The following MAP3K10 variants were observed in gnomAD, a reference collection of about 807,000 sequenced individuals.
The protein encoded by MAP3K10 is mitogen-activated protein kinase kinase kinase 10, also known as MKN28 derived nonreceptor_type serine/threonine kinase.
In MAP3K10, 22 loss-of-function variants were observed where a neutral mutation model predicts 75.0. That is an observed-to-expected ratio of 0.29 (90% CI 0.21 to 0.42). The LOEUF is 0.42. Ranked by LOEUF, MAP3K10 falls within the 10% of genes least tolerant of loss-of-function variation. The pLI is 1.00. For synonymous variants in MAP3K10, 599 were observed against 612.9 expected, an observed-to-expected ratio of 0.98 and a Z score of 0.34; for missense variants, 1,165 against 1,379.8, an observed-to-expected ratio of 0.84 and a Z score of 2.47.
chr19:40,192,598 C>T lies in MAP3K10; in HGVS notation c.567C>T (p.Arg189=). ...GGALSRVLAG[R]RVPPHVLVNW... ...CACTGAGCAGGGTGCTGGCAGGTCG[C>T]CGGGTGCCACCTCACGTGCTGGTCA... Residue 189 remains arginine, a synonymous_variant, in exon 1 of 10, where the codon CGC becomes CGT. Coordinates refer to ENST00000253055, the MANE Select transcript of MAP3K10 (RefSeq NM_002446.4). The surrounding 1 kb of genome is among the most constrained non-coding windows in gnomAD (Gnocchi z 7.1). The T allele has an allele frequency of 1.2e-6, 2 of 1,612,668 alleles. No homozygotes were observed. Among genetic ancestry groups the T allele is most frequent in the East Asian group, 2.2e-5 (1 of 44,870 alleles).
rs1244973678 is a variant in MAP3K10, at chr19:40,214,050, A to G, written c.2371A>G (p.Thr791Ala). The G allele has an allele frequency of 3.1e-6, 4 of 1,298,296 alleles. No individual in the cohort carries two copies. In the African/African-American group the frequency reaches 6.9e-5, roughly 22 times the overall value. 80.4% of individuals were successfully genotyped at this position (1,298,296 alleles called of 1,614,324 possible). ...PAPTPTPSPS[T>A]NPLVDLELES... The stretch of plus-strand genomic sequence containing the variant: ...GCCCACACCCACGCCCTCGCCCAGC[A>G]CCAACCCCCTGGTGGACCTGGAGCT... The change falls in exon 9 of 10, where the codon ACC (threonine) becomes GCC (alanine). Residue 791 changes from threonine (T) to alanine (A), a missense_variant. Coordinates refer to ENST00000253055, the MANE Select transcript of MAP3K10 (RefSeq NM_002446.4).
At chr19:40,201,738 C>T (rs946097552) in intron 2 of MAP3K10, among the ~76,000 whole-genome samples, 6 of 151,552 alleles carry the variant, frequency 4.0e-5, no homozygotes, top group Non-Finnish European at 8.8e-5. Context: ...TTGTCTTGGC[C>T]TCCCAAAGTG....
In MAP3K10 at chr19:40,214,191, G is replaced by A; in HGVS notation, c.2512G>A (p.Gly838Arg). 6.9e-7 allele frequency: 1 copy of A among 1,450,142 alleles called. No homozygotes were observed. The highest frequency in any genetic ancestry group is 9.0e-7 in the Non-Finnish European group (1 of 1,112,132). 89.8% of individuals were successfully genotyped at this position (1,450,142 alleles called of 1,614,324 possible). ...ATCGGACGGGGCGCTGGGGCAGCGG[G>A]GGCCGCCCGAGCCCGCGGGCCATGG... ...TPSDGALGQR[G>R]PPEPAGHGPG... Residue 838 changes from glycine (G) to arginine (R), a missense_variant, in exon 9 of 10, where the codon GGG becomes AGG. By Grantham distance (125) the Gly-to-Arg change is moderately radical. Coordinates refer to ENST00000253055, the MANE Select transcript of MAP3K10 (RefSeq NM_002446.4).
At position 40,213,952 on chromosome 19, in the gene MAP3K10, C is replaced by T. The variant is rs1045286005; in HGVS notation, c.2273C>T (p.Thr758Met). Reference protein sequence around the residue: ...SLSSVSDCNSTRSLLRSDSDE... With the variant: ...SLSSVSDCNSMRSLLRSDSDE... The stretch of plus-strand genomic sequence containing the variant: ...TCGTCCGTGTCCGACTGCAACTCCA[C>T]GCGTTCACTGCTGCGCTCTGACAGT... Residue 758 changes from threonine (T) to methionine (M), a missense_variant, in exon 9 of 10, where the codon ACG (threonine) becomes ATG (methionine). Thr to Met is a moderately conservative substitution (Grantham distance 81). Around this residue, in one of 2 missense-constraint regions of MAP3K10, gnomAD observed 590 missense variants for 586.6 expected, o/e 1.01. Coordinates refer to ENST00000253055, the MANE Select transcript of MAP3K10 (RefSeq NM_002446.4). This position sits in a 1 kb window ranked among gnomAD's most constrained non-coding sequence, Gnocchi z 5.7. 11 of 1,533,338 alleles carry T rather than the reference C, an allele frequency of 7.2e-6. No homozygotes were observed. The highest frequency in any genetic ancestry group is 9.6e-6 in the Non-Finnish European group (11 of 1,147,654). 95.0% of individuals were successfully genotyped at this position (1,533,338 alleles called of 1,614,324 possible).
chr19:40,214,002 T>TGCCCCCCCCCCCCCCCCCCCCCCCCCCC lies in MAP3K10; in HGVS notation c.2323_2324insGCCCCCCCCCCCCCCCCCCCCCCCCCCC (p.Ser775CysfsTer86). On this transcript the variant is annotated frameshift_variant, in exon 9 of 10. Transcript: ENST00000253055. LOFTEE classifies it high-confidence loss of function. ...TGACGAGGCCGCACCGGCCGCGCCC[T>TGCCCCCCCCCCCCCCCCCCCCCCCCCCC]CCCCACCACCCTCCCCGCCCGCGCC... is the stretch of plus-strand genomic sequence containing the variant. The TGCCCCCCCCCCCCCCCCCCCCCCCCCCC allele has an allele frequency of 6.7e-7, 1 of 1,493,670 alleles. No homozygotes were observed. Among genetic ancestry groups the TGCCCCCCCCCCCCCCCCCCCCCCCCCCC allele is most frequent in the African/African-American group, 1.5e-5 (1 of 67,948 alleles). The allele number at this position is 1,493,670 out of a possible 1,614,324, so 92.5% of individuals were successfully genotyped here.
rs1023741959 is a variant in MAP3K10, at chr19:40,212,212, A to T, written c.1553-593A>T. ...GGGACAGATGTCCACAGTCGGGGCTATATGGCAGAGACACGGTCATCGGAG... is the reference window on the plus strand; with the variant it reads ...GGGACAGATGTCCACAGTCGGGGCTTTATGGCAGAGACACGGTCATCGGAG... On this transcript the variant is annotated intron_variant, in intron 6 of 9. Coordinates refer to ENST00000253055, the MANE Select transcript of MAP3K10 (RefSeq NM_002446.4). The surrounding 1 kb of genome is among the most constrained non-coding windows in gnomAD (Gnocchi z 4.2). Among the ~76,000 whole-genome samples, 2 of 152,174 alleles carry T rather than the reference A, an allele frequency of 1.3e-5. No individual in the cohort carries two copies. The highest frequency in any genetic ancestry group is 3.9e-4 in the East Asian group (2 of 5,190).
At position 40,191,456 on chromosome 19, in the gene MAP3K10, A is replaced by C. The variant is rs1972808579; in HGVS notation, c.-576A>C. Reference sequence around the variant, plus strand: ...TCGGGCCCCGCCGGTGGCCCGGGGAAGCAGCACGGGCGGGGGGCAGGGGCT... The same window carrying C: ...TCGGGCCCCGCCGGTGGCCCGGGGACGCAGCACGGGCGGGGGGCAGGGGCT... On this transcript the variant is annotated 5_prime_UTR_variant, in exon 1 of 10. Transcript: ENST00000253055. 6.6e-6 allele frequency among the ~76,000 whole-genome samples: 1 copy of C among 150,872 alleles called. No homozygotes were observed. Among genetic ancestry groups the C allele is most frequent in the Non-Finnish European group, 1.5e-5 (1 of 67,506 alleles).
rs946819060 is a variant in MAP3K10, at chr19:40,212,173, T to TG, written c.1553-627dup. ...TGAGATGATGGAGGCCAGGCCAGGG[T>TG]GGGGGACTTGGAAGGGACAGATGTC... is the stretch of plus-strand genomic sequence containing the variant. On this transcript the variant is annotated intron_variant, in intron 6 of 9. Transcript: ENST00000253055. This position sits in a 1 kb window ranked among gnomAD's most constrained non-coding sequence, Gnocchi z 4.2. 1.3e-5 allele frequency among the ~76,000 whole-genome samples: 2 copies of TG among 151,918 alleles called. No individual in the cohort carries two copies. The highest frequency in any genetic ancestry group is 2.4e-5 in the African/African-American group (1 of 41,332).
At chr19:40,208,364 T>TTTTTA (rs1555756670) in intron 5 of MAP3K10, among the ~76,000 whole-genome samples, 1 of 84,958 alleles carries the variant, frequency 1.2e-5, no homozygotes, top group African/African-American at 5.1e-5. Context: ...TTTTTTTTTT[T>TTTTTA]TTTTTGTATT....
chr19:40,208,367 TTTG>T (rs781290253), intron 5 of MAP3K10, among the ~76,000 whole-genome samples: 4,887 of 130,618 alleles, frequency 0.037, 271 homozygotes, highest in African/African-American at 0.099. Flanking sequence ...TTTTTTTTTT[TTTG>T]TATTTTTAGT....
chr19:40,193,580 C>T (rs1242652704), intron 1 of MAP3K10, among the ~76,000 whole-genome samples: 2 of 152,150 alleles, frequency 1.3e-5, no homozygotes, highest in African/African-American at 2.4e-5. Context: ...TGGTTTCTGC[C>T]CTGACAGTAC....
At chr19:40,195,753 C>T (rs911790916) in intron 1 of MAP3K10, among the ~76,000 whole-genome samples, 1 of 152,006 alleles carries the variant, frequency 6.6e-6, no homozygotes, top group African/African-American at 2.4e-5. Context: ...CCTTAGCCTC[C>T]CAAAGTGCTA....
chr19:40,205,953 G>A lies in MAP3K10; in HGVS notation c.1231G>A (p.Glu411Lys). 1 of 1,603,212 alleles carries A rather than the reference G, an allele frequency of 6.2e-7. No homozygotes were observed. Among genetic ancestry groups the A allele is most frequent in the Non-Finnish European group, 8.5e-7 (1 of 1,174,668 alleles). Reference sequence around the variant, plus strand: ...GGAGGAGCTGCTGCGGGCGGCACAGGAGCAGCGCTTCCAGGAGGAGCAGCT... The same window carrying A: ...GGAGGAGCTGCTGCGGGCGGCACAGAAGCAGCGCTTCCAGGAGGAGCAGCT... ...REEELLRAAQ[E>K]QRFQEEQLRR... is the part of the protein sequence containing the mutation. Residue 411 changes from glutamate (E) to lysine (K), a missense_variant, in exon 5 of 10, where the codon GAG becomes AAG. This residue lies in a region of MAP3K10 where 575 missense variants were observed against 793.2 expected (regional missense o/e 0.72). Transcript: ENST00000253055. The surrounding 1 kb of genome is among the most constrained non-coding windows in gnomAD (Gnocchi z 4.3).
At position 40,213,603 on chromosome 19, in the gene MAP3K10, G is replaced by C. The variant is rs755246036; in HGVS notation, c.1924G>C (p.Ala642Pro). 1 of 1,590,646 alleles carries C rather than the reference G, an allele frequency of 6.3e-7. No homozygotes were observed. Among genetic ancestry groups the C allele is most frequent in the Admixed American group, 1.7e-5 (1 of 57,534 alleles). The change falls in exon 9 of 10, where the codon GCC (alanine) becomes CCC (proline). Residue 642 changes from alanine to proline, a missense_variant. Around this residue, in one of 2 missense-constraint regions of MAP3K10, gnomAD observed 590 missense variants for 586.6 expected, o/e 1.01. Coordinates refer to ENST00000253055, the MANE Select transcript of MAP3K10 (RefSeq NM_002446.4). The surrounding 1 kb of genome is among the most constrained non-coding windows in gnomAD (Gnocchi z 5.7). ...GTCCTACCTCTCAGTGCCACTGCCT[G>C]CCGAGCCCTCCCCGGGGGCGCGGGC... ...TPSYLSVPLPAEPSPGARAPW... is the reference protein window; with the variant it reads ...TPSYLSVPLPPEPSPGARAPW...
chr19:40,215,574 TACCGC>T (rs988915520), exon 10 of MAP3K10: 2 of 345,612 alleles, frequency 5.8e-6, no homozygotes. Context: ...CCCTGCCCCC[TACCGC>T]ACTTGATTGT....
Position 40,205,539 on chromosome 19 carries a change from G to A in MAP3K10, c.1188+243G>A. 1 of 558,938 alleles carries A rather than the reference G, an allele frequency of 1.8e-6. No homozygotes were observed. The highest frequency in any genetic ancestry group is 3.2e-6 in the Non-Finnish European group (1 of 314,868). The allele number at this position is 558,938 out of a possible 1,614,324, so 34.6% of individuals were successfully genotyped here. A position where few individuals can be genotyped will look rare whatever the true frequency, so the allele number is the denominator to read the frequency against. ...CTGGGGTTGGCTTTAAAATACTACA[G>A]CAGAAACGAAGAGAGGGCAAGAGGA... is the stretch of plus-strand genomic sequence containing the variant. On this transcript the variant is annotated intron_variant, in intron 4 of 9. Transcript: ENST00000253055. The surrounding 1 kb of genome is among the most constrained non-coding windows in gnomAD (Gnocchi z 4.3).
chr19:40,195,008 C>G lies in MAP3K10; in HGVS notation c.682+2295C>G, dbSNP rs148580077. Among the ~76,000 whole-genome samples the G allele has an allele frequency of 2.1e-3, 326 of 152,146 alleles. 3 individuals are homozygous for G. Among genetic ancestry groups the G allele is most frequent in the Non-Finnish European group, 3.7e-3 (251 of 68,002 alleles). On this transcript the variant is annotated intron_variant, in intron 1 of 9. Coordinates refer to ENST00000253055, the MANE Select transcript of MAP3K10 (RefSeq NM_002446.4). ...GAGCAGAGACCTGAACAAAGGGGAC[C>G]CAGCTTTACAAAGATCTGGGGAAGG... is the stretch of plus-strand genomic sequence containing the variant.
intron 1 of MAP3K10, among the ~76,000 whole-genome samples, chr19:40,193,091 A>G (rs1445258851): frequency 2.0e-5 from 3 of 152,178 alleles, no homozygotes. Flanking sequence ...GTCTGGAGTC[A>G]GTGTCTCTCA....
At chr19:40,210,192 G>A (rs1296724986) in intron 6 of MAP3K10, among the ~76,000 whole-genome samples, 2 of 152,300 alleles carry the variant, frequency 1.3e-5, no homozygotes, top group Non-Finnish European at 2.9e-5. Context: ...GCATGAGCCC[G>A]GGAGGCGGAG....
Sources: allele counts gnomAD v4.1 joint callset (sites outside exome capture counted in the v4.1 genomes callset), GRCh38; gene constraint gnomAD v4.1.1; regional missense constraint gnomAD v4.1.1; non-coding constraint Gnocchi (gnomAD v3.1); transcripts MANE v1.5; gene names NCBI Gene and HGNC (gene_info 2026-07-23, HGNC 2026-07-21).